Variants in EPS15 observed in about 807,000 individuals in gnomAD.
EPS15 encodes epidermal growth factor receptor substrate 15.
EPS15 carries 72 observed loss-of-function variants against 113.8 expected under a neutral mutation model. The ratio of observed to expected loss-of-function variants is 0.63; its 90% CI spans 0.52 to 0.77. EPS15 has a LOEUF of 0.77. Among genes scored for constraint, EPS15 ranks in the 30% least tolerant of loss-of-function variants. The pLI is 0.00. For synonymous variants in EPS15, 344 were observed against 363.4 expected, an observed-to-expected ratio of 0.95 and a Z score of 0.61; for missense variants, 1,048 against 1,045.8, an observed-to-expected ratio of 1.00 and a Z score of -0.03.
At chr1:51,431,736 C>T (rs1651755798) in intron 12 of EPS15, among the ~76,000 whole-genome samples, 3 of 152,032 alleles carry the variant, frequency 2.0e-5, no homozygotes, top group Non-Finnish European at 1.5e-5. Context: ...CGTGAGTTAC[C>T]GCGCCTGGCC....
intron 14 of EPS15, among the ~76,000 whole-genome samples, chr1:51,408,796 A>ATT (rs1379271259): frequency 1.6e-5 from 2 of 123,354 alleles, no homozygotes; most frequent in African/African-American, 3.3e-5. Context: ...CCTGGCTTTC[A>ATT]ATTTTTTTTT....
Position 51,508,504 on chromosome 1 carries a change from T to C in EPS15, c.33+10695A>G, listed in dbSNP as rs187663678. ...TGTGTATACATCATACATAAGCAAATGAAAGGGTTTAAGTAATTTGCCATG... is the reference window on the plus strand; with the variant it reads ...TGTGTATACATCATACATAAGCAAACGAAAGGGTTTAAGTAATTTGCCATG... On this transcript the variant is annotated intron_variant, in intron 1 of 24. Transcript: ENST00000371733. Among the ~76,000 whole-genome samples, 17 of 152,164 alleles carry C rather than the reference T, an allele frequency of 1.1e-4. No homozygotes were observed. The East Asian group carries it at 2.9e-3, about 26-fold the overall frequency.
At chr1:51,489,729 G>C (rs892791487) in intron 1 of EPS15, among the ~76,000 whole-genome samples, 1 of 152,082 alleles carries the variant, frequency 6.6e-6, no homozygotes, top group Non-Finnish European at 1.5e-5. Context: ...GGTGGGTTTG[G>C]CCATATAACT....
At chr1:51,423,179 C>T in intron 12 of EPS15, 1 of 1,286,226 alleles carries the variant, frequency 7.8e-7, no homozygotes, top group South Asian at 1.2e-5. Context: ...TACTTTTAAA[C>T]ATTTGAGATG....
intron 1 of EPS15, among the ~76,000 whole-genome samples, chr1:51,502,310 T>C (rs1469144117): frequency 6.6e-6 from 1 of 152,182 alleles, no homozygotes; most frequent in Non-Finnish European, 1.5e-5. Flanking sequence ...TCCTCATTAG[T>C]ATAGTGGCAA....
chr1:51,431,876 G>C (rs1651764870), intron 12 of EPS15, among the ~76,000 whole-genome samples: 1 of 152,134 alleles, frequency 6.6e-6, no homozygotes, highest in African/African-American at 2.4e-5. Context: ...TTACAAAATA[G>C]GGATAATAAA....
At chr1:51,465,152 C>T (rs777124804) in intron 6 of EPS15, 109 bp downstream of exon 6, 330 of 627,510 alleles carry the variant, frequency 5.3e-4, no homozygotes, top group Non-Finnish European at 6.5e-4. Context: ...CCTACCTTTC[C>T]CTAAACATGT....
chr1:51,437,740 C>T (rs1480796598), intron 12 of EPS15, among the ~76,000 whole-genome samples: 2 of 152,130 alleles, frequency 1.3e-5, no homozygotes, highest in Non-Finnish European at 2.9e-5. Context: ...GCCTCGGCCC[C>T]GCAAAGTACT....
At chr1:51,441,505 T>C (rs1652594182) in intron 11 of EPS15, among the ~76,000 whole-genome samples, 2 of 152,140 alleles carry the variant, frequency 1.3e-5, no homozygotes, top group South Asian at 4.1e-4. Flanking sequence ...AAAACTAAGA[T>C]ATACTGCTGA....
chr1:51,466,480 G>A (rs920192880), intron 5 of EPS15, among the ~76,000 whole-genome samples: 38 of 151,604 alleles, frequency 2.5e-4, no homozygotes, highest in Admixed American at 1.2e-3. Flanking sequence ...AAATTTAGCC[G>A]GGTGTGGTGG....
intron 6 of EPS15, among the ~76,000 whole-genome samples, chr1:51,464,544 A>G (rs1184771932): frequency 6.6e-6 from 1 of 152,124 alleles, no homozygotes; most frequent in Non-Finnish European, 1.5e-5. Context: ...AATTTTTAAA[A>G]ATAAAATAAT....
intron 21 of EPS15, among the ~76,000 whole-genome samples, chr1:51,374,630 A>C (rs1474403614): frequency 6.6e-6 from 1 of 152,178 alleles, no homozygotes; most frequent in Non-Finnish European, 1.5e-5. Context: ...AAACAAAAAA[A>C]CCCAGTAAGA....
chr1:51,474,701 C>CTT (rs959205349), intron 2 of EPS15, among the ~76,000 whole-genome samples: 10 of 151,604 alleles, frequency 6.6e-5, no homozygotes, highest in Admixed American at 6.6e-4. Flanking sequence ...TATTATTATA[C>CTT]TTTAAGTTCT....
chr1:51,393,523 ATTCTTT>A (rs1228665013), intron 21 of EPS15, among the ~76,000 whole-genome samples: 1 of 152,200 alleles, frequency 6.6e-6, no homozygotes, highest in Non-Finnish European at 1.5e-5. Flanking sequence ...CATTTCTACT[ATTCTTT>A]TTCTATGTTC....
At chr1:51,445,147 T>C in intron 10 of EPS15, 102 bp from the exon 11 acceptor site, 18 of 988,450 alleles carry the variant, frequency 1.8e-5, no homozygotes, top group Non-Finnish European at 2.5e-5. Flanking sequence ...TGAGGTGAAT[T>C]TAAAAAGACA....
chr1:51,490,053 T>A (rs914864968), intron 1 of EPS15, among the ~76,000 whole-genome samples: 1 of 152,188 alleles, frequency 6.6e-6, no homozygotes, highest in Admixed American at 6.5e-5. Flanking sequence ...CACCAAAGTG[T>A]ATCAAGTAGT....
intron 21 of EPS15, among the ~76,000 whole-genome samples, chr1:51,391,962 G>A (rs1647418278): frequency 6.6e-6 from 1 of 152,112 alleles, no homozygotes; most frequent in Non-Finnish European, 1.5e-5. Flanking sequence ...ATGAGCCTGG[G>A]GTTCAGGAAA....
intron 21 of EPS15, chr1:51,373,287 A>G (rs1021000091): frequency 2.0e-5 from 3 of 153,414 alleles, no homozygotes; most frequent in Admixed American, 6.5e-5. Context: ...GTATGTCACT[A>G]GAAGGTTCTT....
intron 21 of EPS15, among the ~76,000 whole-genome samples, chr1:51,374,061 A>G (rs909904451): frequency 1.3e-5 from 2 of 152,226 alleles, no homozygotes; most frequent in African/African-American, 2.4e-5. Context: ...AAATACATGA[A>G]CACATATACG....
Sources: gnomAD v4.1 joint callset for allele counts (sites outside exome capture counted in the v4.1 genomes callset) on GRCh38, gnomAD v4.1.1 for gene constraint, MANE v1.5 for transcripts, NCBI Gene and HGNC (gene_info 2026-07-23, HGNC 2026-07-21) for gene names.